ANKRD33B: variants seen among roughly 807,000 people sequenced by gnomAD.
ANKRD33B encodes the protein ankyrin repeat domain 33B, also known as ankyrin repeat domain-containing protein 33B.
Under a neutral mutation model 21.5 loss-of-function variants are expected in ANKRD33B, and 6 were observed. That is an observed-to-expected ratio of 0.28 (90% CI 0.15 to 0.55). The LOEUF is 0.55. ANKRD33B is among the 20% of genes least tolerant of loss of function. ANKRD33B has a pLI of 0.94. For missense variants in ANKRD33B, 698 were observed against 747.2 expected (o/e 0.93, Z 0.77); for synonymous variants, 347 against 342.4 (o/e 1.01, Z -0.15).
chr5:10,565,766 G>A (rs762295848), intron 1 of ANKRD33B, among the ~76,000 whole-genome samples: 2 of 152,238 alleles, frequency 1.3e-5, no homozygotes, highest in Non-Finnish European at 2.9e-5. Flanking sequence ...CAAGTTCCCC[G>A]TAGTCTGTGC....
chr5:10,648,310 G>A (rs1388480369), intron 3 of ANKRD33B, among the ~76,000 whole-genome samples: 1 of 152,238 alleles, frequency 6.6e-6, no homozygotes, highest in Non-Finnish European at 1.5e-5. Context: ...GTCCTCAAGA[G>A]TGAGACCACA....
rs1040200381 is a variant in ANKRD33B, at chr5:10,651,931, G to T, written c.*1818G>T. 2 of 152,386 alleles carry T rather than the reference G, an allele frequency of 1.3e-5. No homozygotes were observed. Among genetic ancestry groups the T allele is most frequent in the African/African-American group, 4.8e-5 (2 of 41,446 alleles). 9.4% of individuals were successfully genotyped at this position (152,386 alleles called of 1,614,324 possible). On this transcript the variant is annotated 3_prime_UTR_variant, in exon 4 of 4. Transcript: ENST00000296657. ...TGAGTTCCTCCTTAATCCCAGAAGG[G>T]CACCATGATGAATGCCACAGGAGAC...
intron 2 of ANKRD33B, among the ~76,000 whole-genome samples, chr5:10,632,045 C>T (rs1020294199): frequency 1.3e-5 from 2 of 152,108 alleles, no homozygotes; most frequent in African/African-American, 2.4e-5. Flanking sequence ...TATAACGAGG[C>T]GCATTGCCCT....
At chr5:10,570,122 C>G (rs1227634830) in intron 1 of ANKRD33B, among the ~76,000 whole-genome samples, 1 of 152,172 alleles carries the variant, frequency 6.6e-6, no homozygotes, top group African/African-American at 2.4e-5. Flanking sequence ...AGTGATCCAC[C>G]CACCTCGGCC....
At position 10,643,029 on chromosome 5, in the gene ANKRD33B, T is replaced by C. The variant is rs556369741; in HGVS notation, c.637+4861T>C. Among the ~76,000 whole-genome samples, 7 of 152,210 alleles carry C rather than the reference T, an allele frequency of 4.6e-5. No homozygotes were observed. The East Asian group carries it at 1.4e-3, about 29-fold the overall frequency. ...AAGCAATTCTCTTGCTTCAGCCTCC[T>C]GAGTAGCTAGGACTACAGGCATGCA... On this transcript the variant is annotated intron_variant, in intron 3 of 3. Coordinates refer to ENST00000296657, the MANE Select transcript of ANKRD33B (RefSeq NM_001164440.2).
Position 10,595,978 on chromosome 5 carries a change from G to T in ANKRD33B, c.367-22355G>T, listed in dbSNP as rs147934035. 6.5e-4 allele frequency among the ~76,000 whole-genome samples: 99 copies of T among 152,284 alleles called. 1 individual carries two copies. The highest frequency in any genetic ancestry group is 3.4e-3 in the Middle Eastern group (1 of 294). Reference sequence around the variant, plus strand: ...CCAGGACAAAAGTGAAACTGCCTTCGCTGACTCATAGGAAAGTTTGAAAAT... The same window carrying T: ...CCAGGACAAAAGTGAAACTGCCTTCTCTGACTCATAGGAAAGTTTGAAAAT... On this transcript the variant is annotated intron_variant, in intron 1 of 3. Coordinates refer to ENST00000296657, the MANE Select transcript of ANKRD33B (RefSeq NM_001164440.2).
chr5:10,585,118 G>C (rs556562295), intron 1 of ANKRD33B, among the ~76,000 whole-genome samples: 1 of 152,306 alleles, frequency 6.6e-6, no homozygotes, highest in African/African-American at 2.4e-5. Flanking sequence ...ACTTGGGTAA[G>C]GAGAGCTGGA....
At chr5:10,640,113 G>A (rs555177621) in intron 3 of ANKRD33B, among the ~76,000 whole-genome samples, 2 of 121,076 alleles carry the variant, frequency 1.7e-5, no homozygotes, top group East Asian at 5.2e-4. Flanking sequence ...GGAGTTGCGC[G>A]GTGATGTTAG....
Position 10,649,426 on chromosome 5 carries a change from C to G in ANKRD33B, c.798C>G (p.Pro266=), listed in dbSNP as rs1391710875. ...WEKYRPELPP[P]PEAARKPAGS... ...AGTACCGGCCCGAGCTGCCGCCGCC[C>G]CCTGAAGCGGCGCGGAAGCCCGCGG... The change falls in exon 4 of 4, where the codon CCC becomes CCG. Residue 266 remains proline, a synonymous_variant. Transcript: ENST00000296657. 5.2e-6 allele frequency: 8 copies of G among 1,535,304 alleles called. No homozygotes were observed. The highest frequency in any genetic ancestry group is 7.0e-6 in the Non-Finnish European group (8 of 1,146,510).
chr5:10,604,141 C>G (rs1735988602), intron 1 of ANKRD33B, among the ~76,000 whole-genome samples: 1 of 149,320 alleles, frequency 6.7e-6, no homozygotes, highest in African/African-American at 2.5e-5. Flanking sequence ...ATCCACCCGC[C>G]TTGGCCTCCC....
chr5:10,609,666 TG>T (rs1409550282), intron 1 of ANKRD33B, among the ~76,000 whole-genome samples: 1 of 152,108 alleles, frequency 6.6e-6, no homozygotes, highest in Non-Finnish European at 1.5e-5. Context: ...CCCAGCACTT[TG>T]GGAGGCTGAG....
chr5:10,594,221 C>CTTT (rs10658307), intron 1 of ANKRD33B, among the ~76,000 whole-genome samples: 2,030 of 82,944 alleles, frequency 0.024, 56 homozygotes, highest in African/African-American at 0.043. Context: ...ACACATCCTT[C>CTTT]TTTTTTTTTT....
At chr5:10,566,431 G>T (rs1735059366) in intron 1 of ANKRD33B, among the ~76,000 whole-genome samples, 1 of 152,154 alleles carries the variant, frequency 6.6e-6, no homozygotes, top group Non-Finnish European at 1.5e-5. Flanking sequence ...CTGGAAGCCA[G>T]TATGGGGGCC....
chr5:10,593,202 TATTAGTTG>T (rs1334053046), intron 1 of ANKRD33B, among the ~76,000 whole-genome samples: 10 of 128,972 alleles, frequency 7.8e-5, no homozygotes, highest in Non-Finnish European at 1.5e-4. Context: ...CTACAGCTAT[TATTAGTTG>T]AGTCAACTGG....
At chr5:10,593,434 G>GT (rs1484977142) in intron 1 of ANKRD33B, among the ~76,000 whole-genome samples, 3 of 151,284 alleles carry the variant, frequency 2.0e-5, no homozygotes, top group Non-Finnish European at 4.4e-5. Flanking sequence ...GGATATTTGA[G>GT]TGGGGAGCTT....
At chr5:10,644,816 A>G (rs745659779) in intron 3 of ANKRD33B, among the ~76,000 whole-genome samples, 11 of 152,230 alleles carry the variant, frequency 7.2e-5, no homozygotes, top group Admixed American at 2.0e-4. Flanking sequence ...CTGCAAAGCA[A>G]ACCTCGAGAC....
intron 1 of ANKRD33B, among the ~76,000 whole-genome samples, chr5:10,582,088 G>T (rs1735455281): frequency 2.6e-5 from 4 of 152,144 alleles, no homozygotes; most frequent in Admixed American, 2.6e-4. Context: ...AGTTCCTCTT[G>T]CCAGTCTTCC....
At chr5:10,595,344 T>C (rs1735797482) in intron 1 of ANKRD33B, among the ~76,000 whole-genome samples, 1 of 152,094 alleles carries the variant, frequency 6.6e-6, no homozygotes, top group African/African-American at 2.4e-5. Context: ...GGGGGGCAGA[T>C]GTCTGAAGTC....
intron 2 of ANKRD33B, among the ~76,000 whole-genome samples, chr5:10,625,844 G>A (rs115599776): frequency 0.023 from 3,469 of 152,328 alleles, 60 homozygotes; most frequent in African/African-American, 0.044. Context: ...TGAGGACAGC[G>A]TGTTAGGATC....
Sources: gnomAD v4.1 joint callset for allele counts (sites outside exome capture counted in the v4.1 genomes callset) on GRCh38, gnomAD v4.1.1 for gene constraint, MANE v1.5 for transcripts, NCBI Gene and HGNC (gene_info 2026-07-23, HGNC 2026-07-21) for gene names.